The following SLC11A2 variants were observed in gnomAD, a reference collection of about 807,000 sequenced individuals.
SLC11A2 encodes the protein solute carrier family 11 member 2.
A neutral mutation model predicts 68.0 loss-of-function variants in SLC11A2; 38 were observed. That is an observed-to-expected ratio of 0.56 (90% confidence interval 0.43 to 0.73). The LOEUF (loss-of-function observed/expected upper bound fraction) is 0.73, where lower values mean the gene tolerates loss of function less well. Among genes scored for constraint, SLC11A2 ranks in the 30% least tolerant of loss-of-function variants. SLC11A2 has a pLI of 0.00. For synonymous variants in SLC11A2, 242 were observed against 250.6 expected (o/e 0.97, Z 0.32); for missense variants, 517 against 690.5 (o/e 0.75, Z 2.82).
chr12:51,025,379 T>C (rs899416408), intron 1 of SLC11A2, among the ~76,000 whole-genome samples: 12 of 152,200 alleles, frequency 7.9e-5, no homozygotes, highest in South Asian at 2.1e-4. Flanking sequence ...CCATTTTAAG[T>C]ACGTGGAACA....
rs1328945061 is a variant in SLC11A2 at position 50,986,804 on chromosome 12, C to A, written c.*1521G>T. Reference sequence around the variant, plus strand: ...ATGGTCAGTGAAACACAGTAGTGTACCCTTAAATGCCTTATAAAAGACCAT... The same window carrying A: ...ATGGTCAGTGAAACACAGTAGTGTAACCTTAAATGCCTTATAAAAGACCAT... On this transcript the variant is annotated 3_prime_UTR_variant, in exon 16 of 16. Coordinates refer to ENST00000262052, the MANE Select transcript of SLC11A2 (RefSeq NM_000617.3). 1 of 1,287,104 alleles carries A rather than the reference C, an allele frequency of 7.8e-7. No homozygotes were observed. The allele number at this position is 1,287,104 out of a possible 1,614,324, so 79.7% of individuals were successfully genotyped here.
downstream of SLC11A2, among the ~76,000 whole-genome samples, chr12:50,975,664 G>A (rs1344499449): frequency 6.6e-6 from 1 of 152,084 alleles, no homozygotes; most frequent in Non-Finnish European, 1.5e-5. Flanking sequence ...AGAAGATAGA[G>A]ACAGAAAAAA....
At chr12:50,961,203 G>A in the SLC11A2 span, 2 of 1,237,298 alleles carry the variant, frequency 1.6e-6, no homozygotes, top group Non-Finnish European at 1.1e-6. Flanking sequence ...TCACAATGAT[G>A]TAATGAGAGA....
chr12:50,962,633 G>GT, the SLC11A2 span, among the ~76,000 whole-genome samples: 1 of 152,152 alleles, frequency 6.6e-6, no homozygotes, highest in East Asian at 1.9e-4. Context: ...GGAGGCAGAG[G>GT]TTGCAGTGAG....
At chr12:51,020,234 T>G (rs948393531) in intron 1 of SLC11A2, among the ~76,000 whole-genome samples, 3 of 151,734 alleles carry the variant, frequency 2.0e-5, no homozygotes, top group Admixed American at 2.0e-4. Context: ...CTTTTTTTTT[T>G]TTTTGTAAAG....
chr12:51,025,842 G>T, intron 1 of SLC11A2: 1 of 987,906 alleles, frequency 1.0e-6, no homozygotes, highest in Non-Finnish European at 1.2e-6. Flanking sequence ...AGGTTATAAT[G>T]AGTCTTTTGT....
chr12:50,981,876 T>C (rs558694937), downstream of SLC11A2: 3 of 790,522 alleles, frequency 3.8e-6, no homozygotes, highest in African/African-American at 5.2e-5. Context: ...TAAGTACCTA[T>C]AATTAGCACA....
chr12:51,000,326 G>A lies in SLC11A2; in HGVS notation c.523C>T (p.Leu175=), dbSNP rs373590039. The change falls in exon 6 of 16, where the codon CTG becomes TTG. Residue 175 remains leucine (L), a synonymous_variant. Coordinates refer to ENST00000262052, the MANE Select transcript of SLC11A2 (RefSeq NM_000617.3). ...VIGSAIAINL[L]SVGRIPLWGG... ...AAAACCCCTCACCTTCCTACAGACA[G>A]AAGATTGATAGCAATGGCTGAGCCA... The A allele has an allele frequency of 2.3e-5, 37 of 1,611,790 alleles. No individual in the cohort carries two copies. The highest frequency in any genetic ancestry group is 5.9e-6 in the Non-Finnish European group (7 of 1,177,998).
At chr12:51,028,050 T>C (rs1944459683), upstream of SLC11A2, 1 of 508,682 alleles carries the variant, frequency 2.0e-6, no homozygotes, top group African/African-American at 1.9e-5. Context: ...AAAGGTTTGA[T>C]GAAGTTCCTC....
chr12:51,028,129 T>C (rs1022229614), upstream of SLC11A2: 1 of 1,262,996 alleles, frequency 7.9e-7, no homozygotes, highest in South Asian at 1.3e-5. Flanking sequence ...GCTGTACTTG[T>C]CACCCTTTCA....
chr12:51,024,904 G>A (rs1944279407), intron 1 of SLC11A2: 1 of 152,176 alleles, frequency 6.6e-6, no homozygotes, highest in Admixed American at 6.5e-5. Context: ...GAGAAACCAA[G>A]TATGCTGCAA....
chr12:51,025,742 C>CTACA, intron 1 of SLC11A2: 1 of 985,486 alleles, frequency 1.0e-6, no homozygotes, highest in Non-Finnish European at 1.2e-6. Flanking sequence ...TCCCTGAGAG[C>CTACA]TACACAAACA....
At chr12:50,962,282 GC>G in the SLC11A2 span, among the ~76,000 whole-genome samples, 30 of 151,624 alleles carry the variant, frequency 2.0e-4, no homozygotes, top group African/African-American at 6.8e-4. Flanking sequence ...GGTGGCACAT[GC>G]CTGTAATCCC....
At chr12:51,022,077 C>A (rs1464321973) in intron 1 of SLC11A2, among the ~76,000 whole-genome samples, 1 of 152,164 alleles carries the variant, frequency 6.6e-6, no homozygotes, top group African/African-American at 2.4e-5. Context: ...TAAAGTCTTA[C>A]TTCCAGTGAC....
At chr12:51,014,116 CT>C (rs1422992485) in intron 1 of SLC11A2, 6 of 152,300 alleles carry the variant, frequency 3.9e-5, no homozygotes, top group African/African-American at 1.4e-4. Context: ...GCCACTGCCC[CT>C]GGACAAAAAT....
At chr12:51,023,102 G>A (rs1944154717) in intron 1 of SLC11A2, among the ~76,000 whole-genome samples, 1 of 152,250 alleles carries the variant, frequency 6.6e-6, no homozygotes, top group East Asian at 1.9e-4. Flanking sequence ...TGTGTCTCAA[G>A]GGGCCAATTA....
At position 50,987,574 on chromosome 12, in the gene SLC11A2, A is replaced by T. The variant is rs1940719257; in HGVS notation, c.*751T>A. The T allele has an allele frequency of 7.8e-7, 1 of 1,287,108 alleles. No individual in the cohort carries two copies. The highest frequency in any genetic ancestry group is 1.5e-5 in the African/African-American group (1 of 65,800). 79.7% of individuals were successfully genotyped at this position (1,287,108 alleles called of 1,614,324 possible). The stretch of plus-strand genomic sequence containing the variant: ...GTAAATATCATCAGGAAAGCTCTGT[A>T]CTAACAGGCAGGTTATTAAGACTCC... On this transcript the variant is annotated 3_prime_UTR_variant, in exon 16 of 16. Coordinates refer to ENST00000262052, the MANE Select transcript of SLC11A2 (RefSeq NM_000617.3).
chr12:50,971,988 G>A, the SLC11A2 span, among the ~76,000 whole-genome samples: 3 of 152,210 alleles, frequency 2.0e-5, no homozygotes, highest in Admixed American at 6.5e-5. Context: ...CTACCAACAA[G>A]TACATATTTT....
the SLC11A2 span, among the ~76,000 whole-genome samples, chr12:50,961,555 T>C: frequency 6.6e-6 from 1 of 152,190 alleles, no homozygotes; most frequent in Non-Finnish European, 1.5e-5. Context: ...CTTCTTTCCT[T>C]CCAAGTTTCA....
Sources: gnomAD v4.1 joint callset for allele counts (sites outside exome capture counted in the v4.1 genomes callset) on GRCh38, gnomAD v4.1.1 for gene constraint, MANE v1.5 for transcripts, NCBI Gene and HGNC (gene_info 2026-07-23, HGNC 2026-07-21) for gene names.